The following GALNT13 variants were observed in gnomAD, a reference collection of about 807,000 sequenced individuals.
The protein encoded by GALNT13 is polypeptide N-acetylgalactosaminyltransferase 13.
In GALNT13, 28 loss-of-function variants were observed where a neutral mutation model predicts 64.2. That is an observed-to-expected ratio of 0.44 (90% CI 0.32 to 0.60). The LOEUF (loss-of-function observed/expected upper bound fraction) is 0.60. Among genes scored for constraint, GALNT13 ranks in the 20% least tolerant of loss-of-function variants. The pLI, the probability that GALNT13 is intolerant of heterozygous loss-of-function variation, is 0.05. For synonymous variants in GALNT13, 214 were observed against 224.6 expected (o/e 0.95, Z 0.42); for missense variants, 577 against 669.8 (o/e 0.86, Z 1.53).
At chr2:153,451,372 T>C in the GALNT13 span, among the ~76,000 whole-genome samples, 2 of 152,206 alleles carry the variant, frequency 1.3e-5, no homozygotes, top group Admixed American at 1.3e-4. Context: ...TCTATTATAA[T>C]TTGTAAATGT....
chr2:154,070,771 G>T (rs373631769), intron 3 of GALNT13, among the ~76,000 whole-genome samples: 99 of 152,050 alleles, frequency 6.5e-4, no homozygotes, highest in African/African-American at 2.3e-3. Flanking sequence ...TACAAAATTA[G>T]CTGGGTGTGG....
At chr2:153,913,406 T>C (rs771772865) in intron 2 of GALNT13, among the ~76,000 whole-genome samples, 1 of 152,132 alleles carries the variant, frequency 6.6e-6, no homozygotes, top group Admixed American at 6.5e-5. Flanking sequence ...TCCTGTCTCA[T>C]GGGCAAAACA....
chr2:153,428,588 A>T, the GALNT13 span, among the ~76,000 whole-genome samples: 2 of 152,206 alleles, frequency 1.3e-5, no homozygotes, highest in African/African-American at 4.8e-5. Context: ...ATACTATATT[A>T]TAAAGTGCTC....
chr2:154,019,673 A>G (rs571606031), intron 3 of GALNT13, among the ~76,000 whole-genome samples: 18 of 142,434 alleles, frequency 1.3e-4, no homozygotes, highest in African/African-American at 4.5e-4. Flanking sequence ...AAAAATGCAC[A>G]TGTTTAAATG....
chr2:153,883,575 A>G (rs1256225784), intron 1 of GALNT13, among the ~76,000 whole-genome samples: 1 of 152,092 alleles, frequency 6.6e-6, no homozygotes, highest in Non-Finnish European at 1.5e-5. Context: ...ACAGAAAGAC[A>G]TGGCATGATG....
At chr2:153,211,049 A>G in the GALNT13 span, among the ~76,000 whole-genome samples, 2 of 152,302 alleles carry the variant, frequency 1.3e-5, no homozygotes, top group East Asian at 1.9e-4. Context: ...GTGGCAATTT[A>G]CTACAAAATT....
chr2:153,206,242 T>A, the GALNT13 span, among the ~76,000 whole-genome samples: 1 of 152,016 alleles, frequency 6.6e-6, no homozygotes, highest in Non-Finnish European at 1.5e-5. Context: ...CAGAATTTGG[T>A]GTAAATTGAA....
At chr2:153,540,236 T>C in the GALNT13 span, among the ~76,000 whole-genome samples, 1 of 152,186 alleles carries the variant, frequency 6.6e-6, no homozygotes, top group Non-Finnish European at 1.5e-5. Flanking sequence ...TACAGCTCAG[T>C]CCATGGCTTC....
intron 3 of GALNT13, among the ~76,000 whole-genome samples, chr2:154,069,008 T>C (rs1392612562): frequency 6.6e-6 from 1 of 151,982 alleles, no homozygotes; most frequent in Non-Finnish European, 1.5e-5. Flanking sequence ...AAATATTTCA[T>C]GTGCCCCATA....
At chr2:154,239,093 A>T (rs1689345216) in intron 4 of GALNT13, among the ~76,000 whole-genome samples, 1 of 152,166 alleles carries the variant, frequency 6.6e-6, no homozygotes, top group Admixed American at 6.5e-5. Context: ...AGTAAACATG[A>T]TAGCTACATT....
At chr2:153,603,059 C>G in the GALNT13 span, among the ~76,000 whole-genome samples, 2 of 151,760 alleles carry the variant, frequency 1.3e-5, no homozygotes, top group African/African-American at 4.8e-5. Context: ...CTCTACTATT[C>G]CACCGTATTC....
At chr2:153,555,509 TAAATAA>T in the GALNT13 span, among the ~76,000 whole-genome samples, 3 of 152,136 alleles carry the variant, frequency 2.0e-5, no homozygotes, top group African/African-American at 7.2e-5. Context: ...GCTTTACTTT[TAAATAA>T]AAATAAAAAT....
chr2:153,794,808 C>T, the GALNT13 span, among the ~76,000 whole-genome samples: 7 of 152,094 alleles, frequency 4.6e-5, no homozygotes, highest in African/African-American at 1.7e-4. Flanking sequence ...TGTGAGCCAC[C>T]GTGCCCAGCC....
intron 3 of GALNT13, among the ~76,000 whole-genome samples, chr2:153,952,902 G>A (rs1439041789): frequency 6.6e-6 from 1 of 152,138 alleles, no homozygotes; most frequent in South Asian, 2.1e-4. Flanking sequence ...TCGAGGGCAG[G>A]GAGCATCCAT....
chr2:153,095,075 A>G, the GALNT13 span, among the ~76,000 whole-genome samples: 5 of 152,160 alleles, frequency 3.3e-5, no homozygotes, highest in African/African-American at 1.2e-4. Context: ...GCACAGCAAA[A>G]GAAACTACCA....
chr2:154,195,021 C>G (rs780043346), intron 4 of GALNT13, among the ~76,000 whole-genome samples: 1 of 152,004 alleles, frequency 6.6e-6, no homozygotes, highest in Non-Finnish European at 1.5e-5. Context: ...GCTTTCCCTC[C>G]CCCTTGCCTT....
the GALNT13 span, among the ~76,000 whole-genome samples, chr2:153,430,338 TATG>T: frequency 6.6e-6 from 1 of 152,172 alleles, no homozygotes; most frequent in African/African-American, 2.4e-5. Context: ...TGTGAGTTTT[TATG>T]ATACCATCTG....
intron 3 of GALNT13, among the ~76,000 whole-genome samples, chr2:153,999,031 C>T (rs553240774): frequency 6.6e-6 from 1 of 152,126 alleles, no homozygotes; most frequent in Non-Finnish European, 1.5e-5. Flanking sequence ...ACTTTCTTCA[C>T]GGAATTAGAA....
At chr2:153,414,199 C>T in the GALNT13 span, among the ~76,000 whole-genome samples, 2 of 151,786 alleles carry the variant, frequency 1.3e-5, no homozygotes, top group Admixed American at 1.3e-4. Context: ...CATGGTGAAA[C>T]CCCGTCTCTA....
Sources: allele counts gnomAD v4.1 joint callset (sites outside exome capture counted in the v4.1 genomes callset), GRCh38; gene constraint gnomAD v4.1.1; transcripts MANE v1.5; gene names NCBI Gene and HGNC (gene_info 2026-07-23, HGNC 2026-07-21).